RAB6A: variants seen among roughly 807,000 people sequenced by gnomAD.
The protein encoded by RAB6A is RAB6A, member RAS oncogene family, also known as ras-related protein Rab-6A.
In RAB6A, 8 loss-of-function variants were observed where a neutral mutation model predicts 32.3. That is an observed-to-expected ratio of 0.25 (90% CI 0.15 to 0.45). The LOEUF (loss-of-function observed/expected upper bound fraction) is 0.45. RAB6A is among the 20% of genes least tolerant of loss of function. The pLI is 1.00. For missense variants in RAB6A, 104 were observed against 249.4 expected (o/e 0.42, Z 3.93); for synonymous variants, 73 against 82.1 (o/e 0.89, Z 0.60).
intron 2 of RAB6A, among the ~76,000 whole-genome samples, chr11:73,727,966 G>A (rs1325549835): frequency 6.6e-6 from 1 of 151,870 alleles, no homozygotes; most frequent in African/African-American, 2.4e-5. Flanking sequence ...AGAGTAACTT[G>A]TTTTCTTTTT....
At chr11:73,728,445 T>C (rs1301496711) in intron 2 of RAB6A, among the ~76,000 whole-genome samples, 2 of 151,896 alleles carry the variant, frequency 1.3e-5, no homozygotes, top group Non-Finnish European at 2.9e-5. Context: ...AAATAATGTA[T>C]TATGTTTATT....
rs376760808 is a variant in RAB6A, at chr11:73,754,834, C to T, written c.70+5732G>A. 3.2e-4 allele frequency among the ~76,000 whole-genome samples: 49 copies of T among 151,796 alleles called. 2 individuals carry two copies. The East Asian group carries it at 8.9e-3, about 28-fold the overall frequency. On this transcript the variant is annotated intron_variant, in intron 1 of 7. Coordinates refer to ENST00000336083, the MANE Select transcript of RAB6A (RefSeq NM_198896.2). ...ATTCAGGAGGCTGAGGCATGAGAAT[C>T]GCGAACCCGGGAGGCACTCACTCCA...
rs995293011 is a variant in RAB6A, at chr11:73,697,856, G to A, written c.495+9564C>T. ...GTTAATTAATGACTGAATAAAACCT[G>A]ATCAATATAATTTCTCTGTCAGTTC... On this transcript the variant is annotated intron_variant, in intron 6 of 7. Transcript: ENST00000336083. Among the ~76,000 whole-genome samples, 6 of 152,184 alleles carry A rather than the reference G, an allele frequency of 3.9e-5. 1 individual carries two copies. Among genetic ancestry groups the A allele is most frequent in the African/African-American group, 1.2e-4 (5 of 41,450 alleles).
intron 1 of RAB6A, among the ~76,000 whole-genome samples, chr11:73,751,506 A>G (rs1946668264): frequency 6.6e-6 from 1 of 152,200 alleles, no homozygotes; most frequent in South Asian, 2.1e-4. Flanking sequence ...GGCCAAGTAC[A>G]TCTAGAAATA....
intron 5 of RAB6A, among the ~76,000 whole-genome samples, chr11:73,709,691 G>A (rs1043509452): frequency 5.4e-5 from 8 of 149,282 alleles, no homozygotes; most frequent in Non-Finnish European, 1.2e-4. Flanking sequence ...AAGTAGCCCT[G>A]GTTCCTTTGG....
intron 1 of RAB6A, among the ~76,000 whole-genome samples, chr11:73,757,474 G>GT (rs1946780189): frequency 6.6e-6 from 1 of 151,852 alleles, no homozygotes; most frequent in South Asian, 2.1e-4. Flanking sequence ...ACCCAGCCTA[G>GT]TATCTTAAAT....
rs1294623430 is a variant in RAB6A, at chr11:73,720,858, C to T, written c.171G>A (p.Leu57=). Residue 57 remains leucine (L), a synonymous_variant, in exon 3 of 8, where the codon TTG becomes TTA. Transcript: ENST00000336083. ...GIDFLSKTMY[L]EDRTVRLQLW... Reference sequence around the variant, plus strand: ...AAATATTACTCACTGTTCGATCCTCCAAGTACATAGTTTTTGATAAAAAGT... The same window carrying T: ...AAATATTACTCACTGTTCGATCCTCTAAGTACATAGTTTTTGATAAAAAGT... The T allele has an allele frequency of 1.9e-6, 3 of 1,608,390 alleles. No individual in the cohort carries two copies. In the African/African-American group the frequency reaches 4.0e-5, roughly 22 times the overall value.
intron 1 of RAB6A, among the ~76,000 whole-genome samples, chr11:73,757,119 ATATATATATATTTTTTTT>A (rs1946766779): frequency 6.7e-5 from 3 of 44,898 alleles, no homozygotes; most frequent in African/African-American, 3.2e-4. Context: ...ATATATATAT[ATATATATATATTTTTTTT>A]TTTTTTTTTT....
intron 1 of RAB6A, among the ~76,000 whole-genome samples, chr11:73,739,827 C>A (rs957658592): frequency 7.2e-5 from 11 of 152,000 alleles, no homozygotes; most frequent in African/African-American, 2.2e-4. Context: ...GAGGCCCGGG[C>A]GGGCAGATCA....
At chr11:73,752,758 C>T (rs1208962454) in intron 1 of RAB6A, among the ~76,000 whole-genome samples, 1 of 149,808 alleles carries the variant, frequency 6.7e-6, no homozygotes, top group South Asian at 2.1e-4. Context: ...GCACAGGTTG[C>T]GGTGAGCTGA....
chr11:73,707,565 A>C, intron 5 of RAB6A, 52 bp from the exon 6 acceptor site: 1 of 1,292,074 alleles, frequency 7.7e-7, no homozygotes, highest in Non-Finnish European at 1.1e-6. Flanking sequence ...GCAGTATTAT[A>C]AAGATTATAA....
At chr11:73,732,845 C>T (rs914551661) in intron 1 of RAB6A, among the ~76,000 whole-genome samples, 1 of 151,950 alleles carries the variant, frequency 6.6e-6, no homozygotes, top group Non-Finnish European at 1.5e-5. Context: ...CGATGTCTTG[C>T]TCTGTCACCC....
intron 6 of RAB6A, among the ~76,000 whole-genome samples, chr11:73,702,248 A>C (rs933254999): frequency 1.3e-5 from 2 of 152,168 alleles, no homozygotes; most frequent in African/African-American, 4.8e-5. Context: ...TGCAGCCTTG[A>C]ACTCCTGGGC....
chr11:73,744,337 CAAA>C (rs35787214), intron 1 of RAB6A, among the ~76,000 whole-genome samples: 1 of 108,144 alleles, frequency 9.2e-6, no homozygotes, highest in Admixed American at 1.0e-4. Context: ...GACTCCATCT[CAAA>C]AAAAAAAAAA....
At chr11:73,740,556 T>C (rs1372916973) in intron 1 of RAB6A, among the ~76,000 whole-genome samples, 1 of 151,316 alleles carries the variant, frequency 6.6e-6, no homozygotes, top group East Asian at 1.9e-4. Flanking sequence ...CTAAATTGAA[T>C]CAAGATTTTT....
At chr11:73,750,427 G>A (rs1287401301) in intron 1 of RAB6A, among the ~76,000 whole-genome samples, 1 of 150,446 alleles carries the variant, frequency 6.6e-6, no homozygotes, top group Non-Finnish European at 1.5e-5. Context: ...TCAGCTCACT[G>A]CAAACTCCAC....
At chr11:73,728,137 C>T (rs76015622) in intron 2 of RAB6A, among the ~76,000 whole-genome samples, 9,226 of 152,148 alleles carry the variant, frequency 0.061, 383 homozygotes, top group East Asian at 0.17. Context: ...TCTCAAAGTA[C>T]TTGCTCTTAA....
intron 6 of RAB6A, among the ~76,000 whole-genome samples, chr11:73,688,288 T>TG (rs1266162320): frequency 6.6e-6 from 1 of 152,224 alleles, no homozygotes; most frequent in Non-Finnish European, 1.5e-5. Flanking sequence ...CATTGTCTCA[T>TG]GGTCTGCTGA....
At chr11:73,683,182 A>T (rs1359681683) in intron 6 of RAB6A, among the ~76,000 whole-genome samples, 1 of 152,096 alleles carries the variant, frequency 6.6e-6, no homozygotes, top group Non-Finnish European at 1.5e-5. Context: ...AAACGTTAAC[A>T]GCATTTTGCA....
Sources: gnomAD v4.1 joint callset for allele counts (sites outside exome capture counted in the v4.1 genomes callset) on GRCh38, gnomAD v4.1.1 for gene constraint, MANE v1.5 for transcripts, NCBI Gene and HGNC (gene_info 2026-07-23, HGNC 2026-07-21) for gene names.